BRINP3: variants seen among roughly 807,000 people sequenced by gnomAD.
BRINP3 encodes BMP/retinoic acid-inducible neural-specific protein 3.
Under a neutral mutation model 71.0 loss-of-function variants are expected in BRINP3, and 19 were observed. That is an observed-to-expected ratio of 0.27 (90% CI 0.19 to 0.39). The LOEUF (loss-of-function observed/expected upper bound fraction) is 0.39. Among genes scored for constraint, BRINP3 ranks in the 10% least tolerant of loss-of-function variants. The pLI is 1.00. For missense variants in BRINP3, 959 were observed against 940.8 expected (o/e 1.02, Z -0.25); for synonymous variants, 380 against 337.7 (o/e 1.13, Z -1.37).
At chr1:190,449,854 C>T (rs1478915716) in intron 2 of BRINP3, among the ~76,000 whole-genome samples, 1 of 152,114 alleles carries the variant, frequency 6.6e-6, no homozygotes, top group African/African-American at 2.4e-5. Context: ...TATTCCTCTC[C>T]CTGTTGGTAA....
At chr1:190,218,838 A>C (rs2102677335) in intron 6 of BRINP3, among the ~76,000 whole-genome samples, 1 of 152,154 alleles carries the variant, frequency 6.6e-6, no homozygotes, top group African/African-American at 2.4e-5. Context: ...GCCTACATTT[A>C]CTAACTCTTC....
chr1:190,142,788 C>A (rs1655565583), intron 7 of BRINP3, among the ~76,000 whole-genome samples: 1 of 150,798 alleles, frequency 6.6e-6, no homozygotes, highest in East Asian at 2.0e-4. Flanking sequence ...ATCTAATTAT[C>A]AAAAAGCTCA....
At chr1:190,362,302 C>T (rs1175902373) in intron 2 of BRINP3, 1 of 152,154 alleles carries the variant, frequency 6.6e-6, no homozygotes, top group South Asian at 2.1e-4. Context: ...TAATATGACT[C>T]ATGCTAGGGG....
intron 2 of BRINP3, among the ~76,000 whole-genome samples, chr1:190,409,358 T>C (rs1350575459): frequency 6.6e-6 from 1 of 152,210 alleles, no homozygotes; most frequent in East Asian, 1.9e-4. Context: ...TAAAAAATAT[T>C]ACTATGGACA....
chr1:190,412,860 T>C (rs1056079971), intron 2 of BRINP3, among the ~76,000 whole-genome samples: 1 of 151,894 alleles, frequency 6.6e-6, no homozygotes, highest in African/African-American at 2.4e-5. Context: ...TAAAAGTGCA[T>C]GGTAGTAGTA....
intron 5 of BRINP3, among the ~76,000 whole-genome samples, chr1:190,228,928 A>C (rs1339170521): frequency 2.6e-5 from 4 of 152,170 alleles, no homozygotes; most frequent in South Asian, 2.1e-4. Context: ...AAAAGCCAGG[A>C]TGTGAGGGCA....
At chr1:190,377,031 G>C (rs1285479124) in intron 2 of BRINP3, among the ~76,000 whole-genome samples, 1 of 151,836 alleles carries the variant, frequency 6.6e-6, no homozygotes, top group Non-Finnish European at 1.5e-5. Context: ...AAAGTGACTA[G>C]AACAAATAAG....
At chr1:190,271,754 T>C (rs1662130966) in intron 3 of BRINP3, among the ~76,000 whole-genome samples, 1 of 151,564 alleles carries the variant, frequency 6.6e-6, no homozygotes, top group African/African-American at 2.4e-5. Flanking sequence ...GTCTTTGCTT[T>C]TCAGGTAAGT....
intron 5 of BRINP3, among the ~76,000 whole-genome samples, chr1:190,227,405 A>G (rs1657497741): frequency 6.6e-6 from 1 of 151,816 alleles, no homozygotes; most frequent in Non-Finnish European, 1.5e-5. Context: ...TTTCATATTA[A>G]TTTTCATTTC....
chr1:190,196,799 G>C (rs1654521094), intron 6 of BRINP3, among the ~76,000 whole-genome samples: 1 of 151,614 alleles, frequency 6.6e-6, no homozygotes, highest in Admixed American at 6.6e-5. Context: ...ATTTAATAAG[G>C]GTCATCTATG....
chr1:190,205,918 G>A (rs2102630680), intron 6 of BRINP3, among the ~76,000 whole-genome samples: 2 of 151,784 alleles, frequency 1.3e-5, no homozygotes, highest in South Asian at 2.1e-4. Context: ...TGTTATGAGA[G>A]TTTATTTTTT....
intron 2 of BRINP3, among the ~76,000 whole-genome samples, chr1:190,386,923 G>GA (rs551134289): frequency 9.1e-4 from 138 of 151,930 alleles, no homozygotes; most frequent in Admixed American, 2.4e-3. Flanking sequence ...TTTAAAGTGA[G>GA]AAAAAATCAG....
chr1:190,370,290 A>G (rs1025130241), intron 2 of BRINP3, among the ~76,000 whole-genome samples: 18 of 152,186 alleles, frequency 1.2e-4, no homozygotes, highest in Non-Finnish European at 2.5e-4. Context: ...AAATTATTAT[A>G]GAAACAGAAG....
At chr1:190,457,134 A>C (rs1676047120) in intron 1 of BRINP3, among the ~76,000 whole-genome samples, 1 of 152,146 alleles carries the variant, frequency 6.6e-6, no homozygotes, top group Admixed American at 6.5e-5. Context: ...CTAGAGCCAA[A>C]CCGCTGATGT....
intron 2 of BRINP3, among the ~76,000 whole-genome samples, chr1:190,425,333 C>G (rs1186132966): frequency 6.6e-6 from 1 of 151,630 alleles, no homozygotes; most frequent in Non-Finnish European, 1.5e-5. Context: ...CAAAGCAATA[C>G]CAATTACTTA....
intron 2 of BRINP3, among the ~76,000 whole-genome samples, chr1:190,313,710 T>C (rs1408560106): frequency 6.6e-6 from 1 of 151,998 alleles, no homozygotes; most frequent in Non-Finnish European, 1.5e-5. Context: ...GATAGCTACT[T>C]GGATTCTTCT....
intron 2 of BRINP3, among the ~76,000 whole-genome samples, chr1:190,413,984 A>G (rs750820191): frequency 6.6e-6 from 1 of 152,032 alleles, no homozygotes; most frequent in Non-Finnish European, 1.5e-5. Flanking sequence ...ATTTTTAGAG[A>G]CCAGGTGTTG....
intron 7 of BRINP3, among the ~76,000 whole-genome samples, chr1:190,141,321 C>G (rs1655410834): frequency 6.6e-6 from 1 of 151,794 alleles, no homozygotes; most frequent in African/African-American, 2.4e-5. Context: ...TGCTATAACT[C>G]TTCGTTATTT....
At chr1:190,471,426 C>T (rs1011093708) in intron 1 of BRINP3, among the ~76,000 whole-genome samples, 5 of 151,182 alleles carry the variant, frequency 3.3e-5, no homozygotes, top group Non-Finnish European at 7.4e-5. Context: ...TGTTATTTTG[C>T]TTTCCTTTAA....
Sources: allele counts gnomAD v4.1 joint callset (sites outside exome capture counted in the v4.1 genomes callset), GRCh38; gene constraint gnomAD v4.1.1; transcripts MANE v1.5; gene names NCBI Gene and HGNC (gene_info 2026-07-23, HGNC 2026-07-21).